The following IPCEF1 variants were observed in gnomAD, a reference collection of about 807,000 sequenced individuals.
The protein encoded by IPCEF1 is interaction protein for cytohesin exchange factors 1.
Under a neutral mutation model 50.9 loss-of-function variants are expected in IPCEF1, and 31 were observed. The ratio of observed to expected loss-of-function variants is 0.61; its 90% confidence interval spans 0.46 to 0.82. The LOEUF is 0.82. Among genes scored for constraint, IPCEF1 ranks in the 40% least tolerant of loss-of-function variants. The pLI, the probability that IPCEF1 is intolerant of heterozygous loss-of-function variation, is 0.00. For synonymous variants in IPCEF1, 181 were observed against 192.0 expected, an observed-to-expected ratio of 0.94 and a Z score of 0.47; for missense variants, 458 against 514.0, an observed-to-expected ratio of 0.89 and a Z score of 1.05.
chr6:154,329,565 T>C (rs760147123), intron 1 of IPCEF1, among the ~76,000 whole-genome samples: 5 of 147,648 alleles, frequency 3.4e-5, no homozygotes, highest in Non-Finnish European at 5.9e-5. Context: ...CCCTCCAGCC[T>C]GAGTGACAGA....
intron 10 of IPCEF1, among the ~76,000 whole-genome samples, chr6:154,169,637 C>T (rs187238555): frequency 6.6e-6 from 1 of 152,292 alleles, no homozygotes; most frequent in Admixed American, 6.5e-5. Flanking sequence ...AGAAAGTGAT[C>T]ATTCCTCATC....
At chr6:154,227,665 T>G (rs1779366516) in intron 5 of IPCEF1, among the ~76,000 whole-genome samples, 2 of 151,904 alleles carry the variant, frequency 1.3e-5, no homozygotes, top group Admixed American at 1.3e-4. Flanking sequence ...TGTCATGGGT[T>G]GTGATCACAA....
At chr6:154,299,221 C>T (rs180968403) in intron 1 of IPCEF1, among the ~76,000 whole-genome samples, 2 of 140,956 alleles carry the variant, frequency 1.4e-5, no homozygotes, top group Non-Finnish European at 3.2e-5. Flanking sequence ...CCATGCCCAA[C>T]AATAAGCAAG....
intron 3 of IPCEF1, among the ~76,000 whole-genome samples, chr6:154,261,730 T>C (rs1346186505): frequency 1.3e-5 from 2 of 151,896 alleles, no homozygotes; most frequent in Non-Finnish European, 2.9e-5. Flanking sequence ...ATTCTGAGCA[T>C]TTTTTTTAGC....
chr6:154,227,200 TC>T (rs1779321215), intron 5 of IPCEF1, among the ~76,000 whole-genome samples: 1 of 151,406 alleles, frequency 6.6e-6, no homozygotes, highest in Non-Finnish European at 1.5e-5. Flanking sequence ...CAAGATTCTG[TC>T]TCAAAACAAA....
chr6:154,267,943 G>C (rs571646353), intron 2 of IPCEF1, among the ~76,000 whole-genome samples: 3 of 152,218 alleles, frequency 2.0e-5, no homozygotes, highest in African/African-American at 7.2e-5. Flanking sequence ...TCAGAGGTGA[G>C]GAAATGCACA....
intron 9 of IPCEF1, among the ~76,000 whole-genome samples, chr6:154,207,105 T>C (rs1777562027): frequency 6.6e-6 from 1 of 152,164 alleles, no homozygotes; most frequent in Non-Finnish European, 1.5e-5. Context: ...TAGCCTGCTA[T>C]TTCAATAACT....
intron 2 of IPCEF1, among the ~76,000 whole-genome samples, chr6:154,274,054 CTT>C (rs564831205): frequency 3.9e-4 from 55 of 142,142 alleles, no homozygotes; most frequent in Admixed American, 7.1e-4. Flanking sequence ...TGCCTGGCTG[CTT>C]TTTTTTTTTT....
intron 1 of IPCEF1, among the ~76,000 whole-genome samples, chr6:154,318,171 G>T (rs1007973577): frequency 2.0e-5 from 3 of 152,144 alleles, no homozygotes; most frequent in Non-Finnish European, 4.4e-5. Flanking sequence ...TCTGAACAGT[G>T]GTTGCCCTGG....
chr6:154,297,437 C>A (rs887902827), intron 1 of IPCEF1, among the ~76,000 whole-genome samples: 1 of 152,274 alleles, frequency 6.6e-6, no homozygotes, highest in Middle Eastern at 3.4e-3. Flanking sequence ...CCCAGGTTGA[C>A]GTGCAGGTCT....
At chr6:154,236,561 C>T (rs1780152158) in intron 5 of IPCEF1, among the ~76,000 whole-genome samples, 1 of 152,192 alleles carries the variant, frequency 6.6e-6, no homozygotes, top group African/African-American at 2.4e-5. Flanking sequence ...CATTAAAAAA[C>T]ATTTAATTTT....
rs1291073864 is a variant in IPCEF1, at chr6:154,212,982, G to GAACTACCTGGT, written c.452-138_452-128dup. ...CCAATTCAGAAAGTTCATATCTAAT[G>GAACTACCTGGT]AACTACCTGGTAACTACCTGGTGCA... On this transcript the variant is annotated intron_variant, in intron 8 of 11. Coordinates refer to ENST00000367220, the MANE Select transcript of IPCEF1 (RefSeq NM_001130700.2). 4 of 689,446 alleles carry GAACTACCTGGT rather than the reference G, an allele frequency of 5.8e-6. No homozygotes were observed. The East Asian group carries it at 1.1e-4, about 19-fold the overall frequency. The allele number at this position is 689,446 out of a possible 1,614,324, so 42.7% of individuals were successfully genotyped here. A position where few individuals can be genotyped will look rare whatever the true frequency, so the allele number is the denominator to read the frequency against.
At chr6:154,177,293 C>T (rs1483076830) in intron 10 of IPCEF1, among the ~76,000 whole-genome samples, 1 of 152,182 alleles carries the variant, frequency 6.6e-6, no homozygotes, top group African/African-American at 2.4e-5. Context: ...CAAACGGGAT[C>T]TAATTAAACT....
chr6:154,293,042 G>A lies in IPCEF1; in HGVS notation c.-61-3286C>T, dbSNP rs535454609. Among the ~76,000 whole-genome samples, 9 of 152,298 alleles carry A rather than the reference G, an allele frequency of 5.9e-5. No homozygotes were observed. The South Asian group carries it at 1.9e-3, about 32-fold the overall frequency. On this transcript the variant is annotated intron_variant, in intron 1 of 11. Transcript: ENST00000367220. ...AAAACTTTCCAGCATATTAAATTAGGTAGTTTTTCTTATTTACTTTTTGCC... is the reference window on the plus strand; with the variant it reads ...AAAACTTTCCAGCATATTAAATTAGATAGTTTTTCTTATTTACTTTTTGCC...
chr6:154,343,998 G>A (rs1363207894), intron 1 of IPCEF1, among the ~76,000 whole-genome samples: 1 of 152,172 alleles, frequency 6.6e-6, no homozygotes, highest in Non-Finnish European at 1.5e-5. Flanking sequence ...TAAGGTGGGA[G>A]GGCCAGTTTT....
intron 10 of IPCEF1, among the ~76,000 whole-genome samples, chr6:154,181,469 C>A (rs752402478): frequency 4.6e-5 from 7 of 152,164 alleles, no homozygotes; most frequent in African/African-American, 1.2e-4. Flanking sequence ...TTCTTAAATA[C>A]TATGCTTTAA....
chr6:154,246,361 C>T (rs939457269), intron 5 of IPCEF1, among the ~76,000 whole-genome samples: 5 of 152,202 alleles, frequency 3.3e-5, no homozygotes, highest in Non-Finnish European at 7.3e-5. Flanking sequence ...TGTCGACACT[C>T]CCTTCCTCCC....
Position 154,156,880 on chromosome 6 carries a change from C to A in IPCEF1, c.*2948G>T, listed in dbSNP as rs191445215. ...AGAGGGAAAAGGTCCTCTTCACAAC[C>A]CCAAAGAGGAGTCCTCTCCAAATCC... On this transcript the variant is annotated 3_prime_UTR_variant, in exon 12 of 12. Coordinates refer to ENST00000367220, the MANE Select transcript of IPCEF1 (RefSeq NM_001130700.2). 6.6e-6 allele frequency: 1 copy of A among 152,326 alleles called. No individual in the cohort carries two copies. The highest frequency in any genetic ancestry group is 1.9e-4 in the East Asian group (1 of 5,184). The allele number at this position is 152,326 out of a possible 1,614,324, so 9.4% of individuals were successfully genotyped here. A position where few individuals can be genotyped will look rare whatever the true frequency, so the allele number is the denominator to read the frequency against.
In IPCEF1 at chr6:154,317,446, G is replaced by A. The variant is rs1258550343; in HGVS notation, c.-61-27690C>T. Among the ~76,000 whole-genome samples, 7 of 149,726 alleles carry A rather than the reference G, an allele frequency of 4.7e-5. No homozygotes were observed. In the East Asian group the frequency reaches 1.4e-3, roughly 30 times the overall value. ...CTCCTGTAATCCCAGCTACTCAGGA[G>A]GCTAAGGCAGAAGAATCATTTGAAC... On this transcript the variant is annotated intron_variant, in intron 1 of 11. Transcript: ENST00000367220.
Sources: allele counts gnomAD v4.1 joint callset (sites outside exome capture counted in the v4.1 genomes callset), GRCh38; gene constraint gnomAD v4.1.1; transcripts MANE v1.5; gene names NCBI Gene and HGNC (gene_info 2026-07-23, HGNC 2026-07-21).